Variants in FAM13A observed in about 807,000 individuals in gnomAD.
The protein encoded by FAM13A is protein FAM13A.
FAM13A carries 76 observed loss-of-function variants against 129.6 expected under a neutral mutation model. That is an observed-to-expected ratio of 0.59 (90% CI 0.49 to 0.71). The LOEUF (loss-of-function observed/expected upper bound fraction) is 0.71. Among genes scored for constraint, FAM13A ranks in the 30% least tolerant of loss-of-function variants. The pLI, the probability that FAM13A is intolerant of heterozygous loss-of-function variation, is 0.00. For synonymous variants in FAM13A, 443 were observed against 449.9 expected (o/e 0.98, Z 0.20); for missense variants, 1,108 against 1,249.3 (o/e 0.89, Z 1.70).
chr4:88,897,138 C>T (rs1006289732), intron 6 of FAM13A, among the ~76,000 whole-genome samples: 13 of 152,186 alleles, frequency 8.5e-5, no homozygotes, highest in African/African-American at 2.9e-4. Flanking sequence ...AAAATTTTGT[C>T]TTCTCTCCTA....
At chr4:88,908,377 G>C (rs1303508435) in intron 5 of FAM13A, among the ~76,000 whole-genome samples, 1 of 152,150 alleles carries the variant, frequency 6.6e-6, no homozygotes, top group South Asian at 2.1e-4. Context: ...TAAAACTACT[G>C]GTATGTAAAT....
chr4:88,884,983 T>C (rs537995009), intron 6 of FAM13A, among the ~76,000 whole-genome samples: 1 of 152,236 alleles, frequency 6.6e-6, no homozygotes, highest in Non-Finnish European at 1.5e-5. Flanking sequence ...TACAAAACAC[T>C]GCTGAAAGAA....
intron 7 of FAM13A, among the ~76,000 whole-genome samples, chr4:88,850,573 GT>G (rs34995651): frequency 2.6e-5 from 4 of 151,810 alleles, no homozygotes; most frequent in Non-Finnish European, 5.9e-5. Flanking sequence ...AAAAATTGCA[GT>G]TTTTTTTCTT....
chr4:88,937,136 C>A (rs2148810902), intron 5 of FAM13A: 1 of 152,244 alleles, frequency 6.6e-6, no homozygotes, highest in East Asian at 1.9e-4. Context: ...TTTAACTGAG[C>A]AAACTAGAAA....
intron 17 of FAM13A, among the ~76,000 whole-genome samples, chr4:88,748,445 A>G (rs958074621): frequency 5.3e-5 from 8 of 152,190 alleles, no homozygotes; most frequent in Non-Finnish European, 1.0e-4. Context: ...TCAGTGGTTA[A>G]AGGTATTTAG....
At chr4:88,891,639 C>G (rs1281293300) in intron 6 of FAM13A, among the ~76,000 whole-genome samples, 1 of 152,114 alleles carries the variant, frequency 6.6e-6, no homozygotes, top group African/African-American at 2.4e-5. Flanking sequence ...GTGATACAAT[C>G]TTGGTTGAAG....
chr4:88,828,324 A>C (rs2149868570), intron 7 of FAM13A, among the ~76,000 whole-genome samples: 1 of 152,070 alleles, frequency 6.6e-6, no homozygotes, highest in Admixed American at 6.6e-5. Context: ...TTTTGTAGAG[A>C]TGAGGTTCTT....
intron 3 of FAM13A, among the ~76,000 whole-genome samples, chr4:88,993,396 T>C (rs1489131645): frequency 2.0e-5 from 3 of 152,206 alleles, no homozygotes; most frequent in African/African-American, 4.8e-5. Flanking sequence ...TGTGGTCTGA[T>C]TGTCAGCATT....
intron 4 of FAM13A, among the ~76,000 whole-genome samples, chr4:88,980,260 G>A (rs1336731297): frequency 2.0e-5 from 3 of 152,194 alleles, no homozygotes; most frequent in Admixed American, 6.5e-5. Flanking sequence ...AAACTGACGT[G>A]TGACCAGGGA....
chr4:88,816,532 T>C (rs1309030591), intron 7 of FAM13A, among the ~76,000 whole-genome samples: 1 of 152,212 alleles, frequency 6.6e-6, no homozygotes, highest in Non-Finnish European at 1.5e-5. Flanking sequence ...CCGAGTCACT[T>C]TTAATCTGTA....
At chr4:88,893,826 CAA>C (rs10700709) in intron 6 of FAM13A, among the ~76,000 whole-genome samples, 9 of 118,046 alleles carry the variant, frequency 7.6e-5, no homozygotes, top group Admixed American at 1.8e-4. Context: ...GACTCCGTCT[CAA>C]AAAAAAAAAA....
chr4:88,938,420 G>C (rs1412431933), intron 4 of FAM13A, among the ~76,000 whole-genome samples, 179 bp from the exon 5 acceptor site: 2 of 152,180 alleles, frequency 1.3e-5, no homozygotes, highest in Non-Finnish European at 2.9e-5. Context: ...GAGTTCCCAA[G>C]TTCTGAATCA....
intron 6 of FAM13A, among the ~76,000 whole-genome samples, chr4:88,905,214 C>T (rs1747952571): frequency 6.6e-6 from 1 of 152,012 alleles, no homozygotes; most frequent in Non-Finnish European, 1.5e-5. Flanking sequence ...TCGCTGCGAC[C>T]TCTGCTTCTG....
At chr4:88,734,384 T>C (rs1489820551) in intron 21 of FAM13A, among the ~76,000 whole-genome samples, 1 of 152,164 alleles carries the variant, frequency 6.6e-6, no homozygotes, top group African/African-American at 2.4e-5. Context: ...TATTTCAAAA[T>C]GTACAGATAA....
chr4:88,945,735 C>G (rs937447193), intron 4 of FAM13A, among the ~76,000 whole-genome samples: 5 of 134,686 alleles, frequency 3.7e-5, no homozygotes, highest in African/African-American at 1.5e-4. Context: ...CATTTTCTTA[C>G]TATAAGATTG....
intron 21 of FAM13A, 131 bp from the exon 22 acceptor site, chr4:88,732,329 C>T (rs1222432944): frequency 5.1e-5 from 31 of 605,806 alleles, no homozygotes; most frequent in Non-Finnish European, 7.5e-5. Context: ...TTTAGCAACA[C>T]ATATGTACAT....
intron 6 of FAM13A, among the ~76,000 whole-genome samples, chr4:88,875,498 C>T (rs1742245346): frequency 6.6e-6 from 1 of 152,202 alleles, no homozygotes; most frequent in Non-Finnish European, 1.5e-5. Flanking sequence ...ACAGACACTT[C>T]TCAAAAGAAG....
intron 8 of FAM13A, among the ~76,000 whole-genome samples, chr4:88,796,596 A>G (rs1182528246): frequency 6.6e-6 from 1 of 151,982 alleles, no homozygotes; most frequent in Admixed American, 6.6e-5. Flanking sequence ...ATAATGTAAG[A>G]ATTTAAATTT....
rs187607238 is a variant in FAM13A, at chr4:88,878,245, G to A, written c.844-27062C>T. On this transcript the variant is annotated intron_variant, in intron 6 of 23. Transcript: ENST00000264344. ...GGAGCTTGCAGTGAGCCGAGATTGCGCCACTGCACTCCAGCCTGGGCGACA... is the reference window on the plus strand; with the variant it reads ...GGAGCTTGCAGTGAGCCGAGATTGCACCACTGCACTCCAGCCTGGGCGACA... Among the ~76,000 whole-genome samples the A allele has an allele frequency of 2.1e-3, 262 of 126,640 alleles. 1 individual carries two copies. Among genetic ancestry groups the A allele is most frequent in the Non-Finnish European group, 3.4e-3 (216 of 64,188 alleles). The allele number at this position is 126,640 out of a possible 152,430, so 83.1% of individuals were successfully genotyped here.
Sources: gnomAD v4.1 joint callset for allele counts (sites outside exome capture counted in the v4.1 genomes callset) on GRCh38, gnomAD v4.1.1 for gene constraint, MANE v1.5 for transcripts, NCBI Gene and HGNC (gene_info 2026-07-23, HGNC 2026-07-21) for gene names.